The following HEBP2 variants were observed in gnomAD, a reference collection of about 807,000 sequenced individuals.
The protein encoded by HEBP2 is heme binding protein 2.
In HEBP2, 27 loss-of-function variants were observed where a neutral mutation model predicts 23.1. The ratio of observed to expected loss-of-function variants is 1.17; its 90% CI spans 0.86 to 1.61. The LOEUF (loss-of-function observed/expected upper bound fraction) is 1.61. Among genes scored for constraint, HEBP2 ranks in the 40% most tolerant of loss-of-function variants. The pLI is 0.00. For synonymous variants in HEBP2, 99 were observed against 95.1 expected (o/e 1.04, Z -0.24); for missense variants, 245 against 253.8 (o/e 0.97, Z 0.24).
rs1774597554 is a variant in HEBP2, at chr6:138,404,450, G to A, written c.-46G>A. ...CGCAGGCGGGGCGGCCCGGGGTGCG[G>A]GGCCTCTGCGCGGCTGACCAGGCTC... On this transcript the variant is annotated 5_prime_UTR_variant, in exon 1 of 4. Coordinates refer to ENST00000607197, the MANE Select transcript of HEBP2 (RefSeq NM_014320.3). The A allele has an allele frequency of 3.3e-6, 4 of 1,196,186 alleles. No homozygotes were observed. The highest frequency in any genetic ancestry group is 1.0e-6 in the Non-Finnish European group (1 of 954,776). The allele number at this position is 1,196,186 out of a possible 1,614,324, so 74.1% of individuals were successfully genotyped here.
Position 138,404,378 on chromosome 6 carries a change from A to G in HEBP2, c.-118A>G. ...GTCTCCAGCCCGGCCGGGAGGAGGG[A>G]CCGGGTCTGCGGAGCGGGGACTCGG... On this transcript the variant is annotated 5_prime_UTR_variant, in exon 1 of 4. Coordinates refer to ENST00000607197, the MANE Select transcript of HEBP2 (RefSeq NM_014320.3). The G allele has an allele frequency of 1.7e-6, 1 of 593,496 alleles. No individual in the cohort carries two copies. Among genetic ancestry groups the G allele is most frequent in the Non-Finnish European group, 2.4e-6 (1 of 417,768 alleles). The allele number at this position is 593,496 out of a possible 1,614,324, so 36.8% of individuals were successfully genotyped here.
intron 3 of HEBP2, among the ~76,000 whole-genome samples, chr6:138,407,194 C>T (rs1196617892): frequency 6.6e-6 from 1 of 152,164 alleles, no homozygotes; most frequent in African/African-American, 2.4e-5. Context: ...CTAAATTCAT[C>T]TAAAGATCAT....
Position 138,419,127 on chromosome 6 carries a change from T to C in HEBP2, c.*6049T>C, listed in dbSNP as rs1271564494. On this transcript the variant is annotated 3_prime_UTR_variant, in exon 4 of 4. Coordinates refer to ENST00000607197, the MANE Select transcript of HEBP2 (RefSeq NM_014320.3). ...TTGCCAGTGCCCACCTCAGTGCTGGTAAAATGCACACATAAAGTGGCAGTG... is the reference window on the plus strand; with the variant it reads ...TTGCCAGTGCCCACCTCAGTGCTGGCAAAATGCACACATAAAGTGGCAGTG... 1 of 151,906 alleles carries C rather than the reference T, an allele frequency of 6.6e-6. No homozygotes were observed. The highest frequency in any genetic ancestry group is 1.5e-5 in the Non-Finnish European group (1 of 68,000). 9.4% of individuals were successfully genotyped at this position (151,906 alleles called of 1,614,324 possible).
At chr6:138,409,475 C>A (rs1774707323) in intron 3 of HEBP2, among the ~76,000 whole-genome samples, 1 of 152,222 alleles carries the variant, frequency 6.6e-6, no homozygotes, top group Non-Finnish European at 1.5e-5. Context: ...CTTCTAGGGA[C>A]CGCACTAAGT....
At chr6:138,412,467 T>C (rs2114773041) in intron 3 of HEBP2, among the ~76,000 whole-genome samples, 1 of 152,224 alleles carries the variant, frequency 6.6e-6, no homozygotes, top group East Asian at 1.9e-4. Flanking sequence ...ATTTTTATTT[T>C]TTGAGAAAGA....
chr6:138,404,486 A>G lies in HEBP2; in HGVS notation c.-10A>G, dbSNP rs1425858021. On this transcript the variant is annotated 5_prime_UTR_variant, in exon 1 of 4. Coordinates refer to ENST00000607197, the MANE Select transcript of HEBP2 (RefSeq NM_014320.3). ...CGGCTGACCAGGCTCCCAGAGCGTC[A>G]GCGCCGCCCATGGCCGAGCCGCTCC... 3 of 1,271,594 alleles carry G rather than the reference A, an allele frequency of 2.4e-6. No individual in the cohort carries two copies. The highest frequency in any genetic ancestry group is 2.0e-6 in the Non-Finnish European group (2 of 1,009,630). The allele number at this position is 1,271,594 out of a possible 1,614,324, so 78.8% of individuals were successfully genotyped here. A position where few individuals can be genotyped will look rare whatever the true frequency, so the allele number is the denominator to read the frequency against.
At chr6:138,407,447 A>G (rs796118797) in intron 3 of HEBP2, among the ~76,000 whole-genome samples, 1 of 152,230 alleles carries the variant, frequency 6.6e-6, no homozygotes, top group African/African-American at 2.4e-5. Flanking sequence ...GCCCACTGGG[A>G]TGAAGGTCCC....
rs1774938123 is a variant in HEBP2, at chr6:138,421,725, A to C, written c.*8647A>C. 6.6e-6 allele frequency: 1 copy of C among 152,152 alleles called. No homozygotes were observed. The highest frequency in any genetic ancestry group is 1.5e-5 in the Non-Finnish European group (1 of 68,040). The allele number at this position is 152,152 out of a possible 1,614,324, so 9.4% of individuals were successfully genotyped here. ...CTCGATTCTTCTCTCCCTGTATTTCATCCATGCCTGTAAGAAGTTCTCACG... is the reference window on the plus strand; with the variant it reads ...CTCGATTCTTCTCTCCCTGTATTTCCTCCATGCCTGTAAGAAGTTCTCACG... On this transcript the variant is annotated 3_prime_UTR_variant, in exon 4 of 4. Transcript: ENST00000607197.
At position 138,416,600 on chromosome 6, in the gene HEBP2, TGAA is replaced by T. The variant is rs1448677420; in HGVS notation, c.*3525_*3527del. ...AGCAATGTGGATGATGATGAGACCT[TGAA>T]GAGCCCAGGTGGCAGTGCCAGCCAC... On this transcript the variant is annotated 3_prime_UTR_variant, in exon 4 of 4. Transcript: ENST00000607197. 1.3e-5 allele frequency: 2 copies of T among 152,180 alleles called. No homozygotes were observed. The highest frequency in any genetic ancestry group is 2.9e-5 in the Non-Finnish European group (2 of 68,052). 9.4% of individuals were successfully genotyped at this position (152,180 alleles called of 1,614,324 possible).
rs566647965 is a variant in HEBP2, at chr6:138,421,980, A to G, written c.*8902A>G. 5.3e-5 allele frequency: 8 copies of G among 152,310 alleles called. No individual in the cohort carries two copies. The South Asian group carries it at 1.7e-3, about 32-fold the overall frequency. The allele number at this position is 152,310 out of a possible 1,614,324, so 9.4% of individuals were successfully genotyped here. Reference sequence around the variant, plus strand: ...AGCAAAACACTCAACAATTCTGTATAAGAACACCTATCTCATTATTCAAAA... The same window carrying G: ...AGCAAAACACTCAACAATTCTGTATGAGAACACCTATCTCATTATTCAAAA... On this transcript the variant is annotated 3_prime_UTR_variant, in exon 4 of 4. Transcript: ENST00000607197.
At chr6:138,411,004 A>C (rs188839613) in intron 3 of HEBP2, among the ~76,000 whole-genome samples, 22 of 152,316 alleles carry the variant, frequency 1.4e-4, no homozygotes, top group African/African-American at 5.3e-4. Context: ...TTGTACCCTT[A>C]AAAGAGATGA....
chr6:138,404,181 G>A (rs1394239023), upstream of HEBP2: 2 of 222,806 alleles, frequency 9.0e-6, no homozygotes, highest in Admixed American at 6.7e-5. Context: ...GGGCGGGGGC[G>A]GAAGTGCCTC....
Position 138,413,298 on chromosome 6 carries a change from CGTG to C in HEBP2, c.*223_*225del. On this transcript the variant is annotated 3_prime_UTR_variant, in exon 4 of 4. Coordinates refer to ENST00000607197, the MANE Select transcript of HEBP2 (RefSeq NM_014320.3). Reference sequence around the variant, plus strand: ...AAACATATAAATCGGTCATAACTATCGTGGTCTTTATTTCTGTGAGGATCTAGG... The same window carrying C: ...AAACATATAAATCGGTCATAACTATCGTCTTTATTTCTGTGAGGATCTAGG... 3 of 448,394 alleles carry C rather than the reference CGTG, an allele frequency of 6.7e-6. No homozygotes were observed. The highest frequency in any genetic ancestry group is 1.2e-5 in the Non-Finnish European group (3 of 250,352). 27.8% of individuals were successfully genotyped at this position (448,394 alleles called of 1,614,324 possible).
intron 3 of HEBP2, among the ~76,000 whole-genome samples, chr6:138,410,683 A>C (rs1038217601): frequency 1.3e-5 from 2 of 152,034 alleles, no homozygotes; most frequent in African/African-American, 4.8e-5. Flanking sequence ...ACGGGGTTTC[A>C]CCATCTTGGC....
In HEBP2 at chr6:138,408,317, A is replaced by C. The variant is rs188608238; in HGVS notation, c.419+2166A>C. On this transcript the variant is annotated intron_variant, in intron 3 of 3. Coordinates refer to ENST00000607197, the MANE Select transcript of HEBP2 (RefSeq NM_014320.3). The stretch of plus-strand genomic sequence containing the variant: ...TTACTATCAAGAGAAGCGAAGCCAC[A>C]TCTTCCATTCACATTTTGCTTAGAA... Among the ~76,000 whole-genome samples, 174 of 152,326 alleles carry C rather than the reference A, an allele frequency of 1.1e-3. 1 individual carries two copies. Among genetic ancestry groups the C allele is most frequent in the Non-Finnish European group, 1.3e-4 (9 of 68,026 alleles).
Position 138,421,601 on chromosome 6 carries a change from A to G in HEBP2, c.*8523A>G, listed in dbSNP as rs1165418622. 2 of 152,168 alleles carry G rather than the reference A, an allele frequency of 1.3e-5. No individual in the cohort carries two copies. Among genetic ancestry groups the G allele is most frequent in the African/African-American group, 4.8e-5 (2 of 41,434 alleles). 9.4% of individuals were successfully genotyped at this position (152,168 alleles called of 1,614,324 possible). A position where few individuals can be genotyped will look rare whatever the true frequency, so the allele number is the denominator to read the frequency against. ...AGTATGAGGGTATGAGAGCCATCAG[A>G]TCTACCCCTGTGGAGCTTTTTAAGA... On this transcript the variant is annotated 3_prime_UTR_variant, in exon 4 of 4. Transcript: ENST00000607197.
rs1774797888 is a variant in HEBP2 at position 138,413,963 on chromosome 6, CAAAT to C, written c.*888_*891del. On this transcript the variant is annotated 3_prime_UTR_variant, in exon 4 of 4. Coordinates refer to ENST00000607197, the MANE Select transcript of HEBP2 (RefSeq NM_014320.3). ...TTCTAGAGGGTGAGGGAGTTCAACA[CAAAT>C]AAGATGCTTGAAATTGGCAAGTGTG... is the stretch of plus-strand genomic sequence containing the variant. 1 of 152,262 alleles carries C rather than the reference CAAAT, an allele frequency of 6.6e-6. No homozygotes were observed. Among genetic ancestry groups the C allele is most frequent in the African/African-American group, 2.4e-5 (1 of 41,460 alleles). The allele number at this position is 152,262 out of a possible 1,614,324, so 9.4% of individuals were successfully genotyped here. A position where few individuals can be genotyped will look rare whatever the true frequency, so the allele number is the denominator to read the frequency against.
chr6:138,412,524 G>A (rs1215652959), intron 3 of HEBP2, among the ~76,000 whole-genome samples: 1 of 152,094 alleles, frequency 6.6e-6, no homozygotes, highest in African/African-American at 2.4e-5. Flanking sequence ...CGTGATCTTG[G>A]CTCACTGCAA....
In HEBP2 at chr6:138,416,361, T is replaced by G. The variant is rs1774841849; in HGVS notation, c.*3283T>G. On this transcript the variant is annotated 3_prime_UTR_variant, in exon 4 of 4. Transcript: ENST00000607197. ...ACAATAGAGAAAGGAATGAGAAGGCTCAGGGAAGGGAGCATGCCAGCATGG... is the reference window on the plus strand; with the variant it reads ...ACAATAGAGAAAGGAATGAGAAGGCGCAGGGAAGGGAGCATGCCAGCATGG... 6.6e-6 allele frequency: 1 copy of G among 152,220 alleles called. No individual in the cohort carries two copies. The highest frequency in any genetic ancestry group is 1.5e-5 in the Non-Finnish European group (1 of 68,096). 9.4% of individuals were successfully genotyped at this position (152,220 alleles called of 1,614,324 possible).
Sources: allele counts gnomAD v4.1 joint callset (sites outside exome capture counted in the v4.1 genomes callset), GRCh38; gene constraint gnomAD v4.1.1; transcripts MANE v1.5; gene names NCBI Gene and HGNC (gene_info 2026-07-23, HGNC 2026-07-21).